POU2F2: variants seen among roughly 807,000 people sequenced by gnomAD.
POU2F2 encodes the protein POU class 2 homeobox 2.
Under a neutral mutation model 63.5 loss-of-function variants are expected in POU2F2, and 14 were observed. That is an observed-to-expected ratio of 0.22 (90% CI 0.15 to 0.34). POU2F2 has a LOEUF of 0.34. Among genes scored for constraint, POU2F2 ranks in the 10% least tolerant of loss-of-function variants. The probability of loss-of-function intolerance (pLI) is 1.00; values close to 1 mark genes in which losing one functional copy is unlikely to be tolerated. For synonymous variants in POU2F2, 306 were observed against 348.6 expected, an observed-to-expected ratio of 0.88 and a Z score of 1.36; for missense variants, 607 against 815.2, an observed-to-expected ratio of 0.74 and a Z score of 3.11.
At position 42,117,439 on chromosome 19, in the gene POU2F2, A is replaced by T; in HGVS notation, c.187-7T>A. ...GGCCAGAGAGAATGCCCACCTGTGA[A>T]CCAAAGAGAGGGCACGTGTGTGGCA... On this transcript the variant is annotated splice_region_variant and splice_polypyrimidine_tract_variant and intron_variant, in intron 4 of 14. Transcript: ENST00000692977. The surrounding 1 kb of genome is among the most constrained non-coding windows in gnomAD (Gnocchi z 4.4). The T allele has an allele frequency of 9.1e-7, 1 of 1,100,230 alleles. No individual in the cohort carries two copies. The highest frequency in any genetic ancestry group is 1.3e-6 in the Non-Finnish European group (1 of 758,398). The allele number at this position is 1,100,230 out of a possible 1,614,324, so 68.2% of individuals were successfully genotyped here. A position where few individuals can be genotyped will look rare whatever the true frequency, so the allele number is the denominator to read the frequency against.
chr19:42,140,915 C>T (rs2034114820), intron 2 of POU2F2, among the ~76,000 whole-genome samples: 1 of 152,192 alleles, frequency 6.6e-6, no homozygotes, highest in South Asian at 2.1e-4. Flanking sequence ...TGCCTCTCAA[C>T]CTCCTCAGCT....
Position 42,122,355 on chromosome 19 carries a change from T to C in POU2F2, c.118A>G (p.Thr40Ala), listed in dbSNP as rs779219054. 1.9e-6 allele frequency: 3 copies of C among 1,608,496 alleles called. No homozygotes were observed. Among genetic ancestry groups the C allele is most frequent in the Non-Finnish European group, 2.5e-6 (3 of 1,178,450 alleles). The change falls in exon 3 of 15, where the codon ACT (threonine) becomes GCT (alanine). Residue 40 changes from threonine to alanine, a missense_variant. This residue lies in a region of POU2F2 where 224 missense variants were observed against 264.3 expected (regional missense o/e 0.85). Coordinates refer to ENST00000692977, the MANE Select transcript of POU2F2 (RefSeq NM_001394376.1). ...HTDTERNGPD[T>A]NHQNPQNKTS... The stretch of plus-strand genomic sequence containing the variant: ...CACTCCCTCCTAACCTGATGATTAG[T>C]GTCTGGTCCATTTCTTTCGGTGTCT...
chr19:42,139,904 T>C (rs2034093535), intron 2 of POU2F2, among the ~76,000 whole-genome samples: 1 of 152,206 alleles, frequency 6.6e-6, no homozygotes. Context: ...TGTCATCTTA[T>C]GAGGGAGAGA....
At chr19:42,107,552 T>C (rs564020613) in intron 5 of POU2F2, among the ~76,000 whole-genome samples, 3 of 152,162 alleles carry the variant, frequency 2.0e-5, no homozygotes, top group Non-Finnish European at 4.4e-5. Flanking sequence ...ATAAGAGAAT[T>C]TGAAAATCTG....
chr19:42,115,121 G>C (rs1043058461), intron 5 of POU2F2, among the ~76,000 whole-genome samples: 3 of 152,000 alleles, frequency 2.0e-5, no homozygotes. Flanking sequence ...CTGCACTCCA[G>C]CCTGGGCAGC....
Position 42,116,885 on chromosome 19 carries a change from C to T in POU2F2, c.369+365G>A, listed in dbSNP as rs368244459. ...GTAGAGGAGGAGGCGGAGGCGGCGG[C>T]GGCGGCGGCAGCGGCGTTAGCGGCA... On this transcript the variant is annotated intron_variant, in intron 5 of 14. Coordinates refer to ENST00000692977, the MANE Select transcript of POU2F2 (RefSeq NM_001394376.1). 1,362 of 466,560 alleles carry T rather than the reference C, an allele frequency of 2.9e-3. 24 individuals carry two copies. Among genetic ancestry groups the T allele is most frequent in the South Asian group, 0.021 (1,317 of 62,394 alleles). The allele number at this position is 466,560 out of a possible 1,614,324, so 28.9% of individuals were successfully genotyped here.
upstream of POU2F2, chr19:42,177,056 A>G (rs888983153): frequency 3.4e-4 from 50 of 147,648 alleles, no homozygotes; most frequent in Admixed American, 3.1e-3. Context: ...GAGAGGGAGG[A>G]AGGGAGGGCA....
chr19:42,146,148 C>CA lies in POU2F2; in HGVS notation c.-9+14183_-9+14184insT, dbSNP rs1361849845. 3.3e-5 allele frequency among the ~76,000 whole-genome samples: 5 copies of CA among 152,154 alleles called. No individual in the cohort carries two copies. In the East Asian group the frequency reaches 9.6e-4, roughly 29 times the overall value. On this transcript the variant is annotated intron_variant, in intron 2 of 6. Coordinates refer to the POU2F2 transcript ENST00000524801. ...TTTCTCACTGAATCTTCTCAATACT[C>CA]TACAAAAAAGCATTGTTAACATCCC...
intron 5 of POU2F2, chr19:42,110,901 T>C (rs2030982097): frequency 2.9e-6 from 1 of 343,180 alleles, no homozygotes; most frequent in Non-Finnish European, 5.9e-6. Flanking sequence ...AAAATGGGGA[T>C]AATAATGTCT....
chr19:42,143,844 CT>C (rs1166949478), intron 2 of POU2F2, among the ~76,000 whole-genome samples: 1 of 152,206 alleles, frequency 6.6e-6, no homozygotes, highest in Non-Finnish European at 1.5e-5. Context: ...TAAACACCCC[CT>C]CCACAGAGAG....
At chr19:42,137,777 T>C (rs929898832) in intron 2 of POU2F2, among the ~76,000 whole-genome samples, 1 of 152,242 alleles carries the variant, frequency 6.6e-6, no homozygotes, top group Non-Finnish European at 1.5e-5. Flanking sequence ...TGCAGAAAAC[T>C]GTCCCAAGGA....
chr19:42,108,308 T>A (rs1397151215), intron 5 of POU2F2, among the ~76,000 whole-genome samples: 1 of 152,110 alleles, frequency 6.6e-6, no homozygotes, highest in African/African-American at 2.4e-5. Flanking sequence ...GGGAGAAAGA[T>A]GATGGGGCAT....
intron 1 of POU2F2, among the ~76,000 whole-genome samples, chr19:42,185,753 G>C (rs2146820022): frequency 6.6e-6 from 1 of 152,264 alleles, no homozygotes; most frequent in South Asian, 2.1e-4. Context: ...GACCTCCATA[G>C]AAGGTACCGG....
At chr19:42,170,073 G>A (rs1221408968) in intron 1 of POU2F2, among the ~76,000 whole-genome samples, 1 of 152,070 alleles carries the variant, frequency 6.6e-6, no homozygotes, top group Admixed American at 6.5e-5. Flanking sequence ...AGGTCATGGG[G>A]GGAAAAGGAG....
At chr19:42,144,884 C>T (rs2034199829) in intron 2 of POU2F2, among the ~76,000 whole-genome samples, 1 of 152,212 alleles carries the variant, frequency 6.6e-6, no homozygotes, top group Non-Finnish European at 1.5e-5. Context: ...ATCCCATGCA[C>T]ATTTCTCTTC....
At position 42,091,382 on chromosome 19, in the gene POU2F2, T is replaced by C; in HGVS notation, c.1750A>G (p.Lys584Glu). 6.5e-7 allele frequency: 1 copy of C among 1,542,618 alleles called. No homozygotes were observed. The highest frequency in any genetic ancestry group is 8.7e-7 in the Non-Finnish European group (1 of 1,146,832). Residue 584 changes from lysine to glutamate, a missense_variant, in exon 15 of 15, where the codon AAG (lysine) becomes GAG (glutamate). Coordinates refer to ENST00000692977, the MANE Select transcript of POU2F2 (RefSeq NM_001394376.1). ...GATGAGGAGGAGAGGCCAGGAGACT[T>C]GCTGGAGATGGAGGCTGCCACAGCC... ...AAAVAASISS[K>E]SPGLSSSSSS...
chr19:42,191,250 C>A (rs1432526914), intron 1 of POU2F2, among the ~76,000 whole-genome samples: 1 of 152,140 alleles, frequency 6.6e-6, no homozygotes, highest in South Asian at 2.1e-4. Flanking sequence ...CTAAAAGAAG[C>A]ACCAGCAGGG....
intron 1 of POU2F2, among the ~76,000 whole-genome samples, chr19:42,167,624 A>G (rs1272928071): frequency 6.6e-6 from 1 of 152,242 alleles, no homozygotes; most frequent in Non-Finnish European, 1.5e-5. Flanking sequence ...TTGAGCTTCC[A>G]GAGCCAGGAG....
rs1044351237 is a variant in POU2F2 at position 42,092,022 on chromosome 19, G to T, written c.1466+47C>A. The T allele has an allele frequency of 1.5e-5, 24 of 1,566,162 alleles. No individual in the cohort carries two copies. The highest frequency in any genetic ancestry group is 1.9e-5 in the Non-Finnish European group (22 of 1,155,702). ...GGTGCCGCTCCCCACCCTAGAAGCA[G>T]CAGCGACCCTGCTTCTCCCCACAGC... On this transcript the variant is annotated intron_variant, in intron 13 of 14. Transcript: ENST00000692977. This position sits in a 1 kb window ranked among gnomAD's most constrained non-coding sequence, Gnocchi z 5.0.
Sources: gnomAD v4.1 joint callset for allele counts (sites outside exome capture counted in the v4.1 genomes callset) on GRCh38, gnomAD v4.1.1 for gene constraint, gnomAD v4.1.1 regional missense constraint, Gnocchi (gnomAD v3.1) non-coding constraint, MANE v1.5 for transcripts, NCBI Gene and HGNC (gene_info 2026-07-23, HGNC 2026-07-21) for gene names.